The following AKR1C1 variants were observed in gnomAD, a reference collection of about 807,000 sequenced individuals.
AKR1C1 encodes the protein 20 alpha-hydroxysteroid dehydrogenase.
A neutral mutation model predicts 40.6 loss-of-function variants in AKR1C1; 32 were observed. The ratio of observed to expected loss-of-function variants is 0.79; its 90% confidence interval spans 0.60 to 1.06. AKR1C1 has a LOEUF of 1.06. AKR1C1 is among the 50% of genes least tolerant of loss of function. AKR1C1 has a pLI of 0.00. For missense variants in AKR1C1, 320 were observed against 363.5 expected (o/e 0.88, Z 0.97); for synonymous variants, 105 against 134.2 (o/e 0.78, Z 1.50).
At chr10:4,970,838 A>T (rs1564316604) in intron 5 of AKR1C1, among the ~76,000 whole-genome samples, 1 of 148,792 alleles carries the variant, frequency 6.7e-6, no homozygotes, top group Admixed American at 6.7e-5. Context: ...GAGGGATAGC[A>T]CTGGGAGATA....
intron 5 of AKR1C1, among the ~76,000 whole-genome samples, chr10:4,970,851 C>G (rs1288851329): frequency 1.3e-5 from 2 of 151,146 alleles, no homozygotes; most frequent in Non-Finnish European, 2.9e-5. Context: ...GGGAGATATA[C>G]CTAATGCTAG....
At chr10:4,976,472 G>A (rs1466764642) in intron 8 of AKR1C1, among the ~76,000 whole-genome samples, 2 of 152,018 alleles carry the variant, frequency 1.3e-5, no homozygotes, top group African/African-American at 4.8e-5. Flanking sequence ...TTGCATGTTT[G>A]CCCATGAGCC....
intron 7 of AKR1C1, among the ~76,000 whole-genome samples, chr10:4,973,942 C>G (rs1301114710): frequency 6.7e-6 from 1 of 150,366 alleles, no homozygotes; most frequent in Non-Finnish European, 1.5e-5. Flanking sequence ...ATTATAAAAC[C>G]TATGTCACAT....
At chr10:4,975,596 C>T (rs573581631) in intron 7 of AKR1C1, among the ~76,000 whole-genome samples, 27 of 151,852 alleles carry the variant, frequency 1.8e-4, no homozygotes, top group Admixed American at 7.2e-4. Context: ...GTTTCTTCTT[C>T]AGCTTCCTCT....
In AKR1C1 at chr10:4,982,912, G is replaced by A. The variant is rs1279840458; in HGVS notation, c.*5170G>A. 9.2e-5 allele frequency: 41 copies of A among 446,806 alleles called. No individual in the cohort carries two copies. The highest frequency in any genetic ancestry group is 1.3e-4 in the Non-Finnish European group (29 of 222,860). The allele number at this position is 446,806 out of a possible 1,614,324, so 27.7% of individuals were successfully genotyped here. On this transcript the variant is annotated 3_prime_UTR_variant, in exon 9 of 9. Transcript: ENST00000380872. ...CCAGTCAGAGGTCTTGAGTCGGTCC[G>A]CATGACAAGTTCACCGCTCGCATAA...
Position 4,983,078 on chromosome 10 carries a change from G to T in AKR1C1, c.*5336G>T. 1 of 349,982 alleles carries T rather than the reference G, an allele frequency of 2.9e-6. No homozygotes were observed. The highest frequency in any genetic ancestry group is 5.6e-6 in the Non-Finnish European group (1 of 177,532). 21.7% of individuals were successfully genotyped at this position (349,982 alleles called of 1,614,324 possible). A position where few individuals can be genotyped will look rare whatever the true frequency, so the allele number is the denominator to read the frequency against. On this transcript the variant is annotated 3_prime_UTR_variant, in exon 9 of 9. Coordinates refer to ENST00000380872, the MANE Select transcript of AKR1C1 (RefSeq NM_001353.6). ...CTTGTGCTGAGGTGAAGCCTGGGCTGGATGGCTGGAGGATGAAGAACTGCA... is the reference window on the plus strand; with the variant it reads ...CTTGTGCTGAGGTGAAGCCTGGGCTTGATGGCTGGAGGATGAAGAACTGCA...
Position 4,965,850 on chromosome 10 carries a change from C to T in AKR1C1, c.85-64C>T. 1.9e-6 allele frequency: 3 copies of T among 1,551,680 alleles called. No individual in the cohort carries two copies. In the South Asian group the frequency reaches 3.7e-5, roughly 19 times the overall value. ...AAGCTGATTTTTGTGAACGTCGCTA[C>T]TTGTGCCTGAACTAACTCTCAGGCA... On this transcript the variant is annotated intron_variant, in intron 1 of 8. Transcript: ENST00000380872.
chr10:4,969,086 G>A (rs76142681), intron 5 of AKR1C1, 142 bp downstream of exon 5: 161,476 of 1,512,126 alleles, frequency 0.11, 9,822 homozygotes, highest in Non-Finnish European at 0.12. Flanking sequence ...GAAGGGCATA[G>A]AGGGATCTTA....
intron 4 of AKR1C1, 54 bp from the exon 5 acceptor site, chr10:4,968,768 G>C (rs1836372031): frequency 3.1e-6 from 5 of 1,613,584 alleles, no homozygotes; most frequent in East Asian, 2.2e-5. Context: ...TACTTTCACA[G>C]TTCTGTGTCA....
chr10:4,978,465 C>A lies in AKR1C1; in HGVS notation c.*723C>A, dbSNP rs1836562406. 1 of 151,890 alleles carries A rather than the reference C, an allele frequency of 6.6e-6. No homozygotes were observed. Among genetic ancestry groups the A allele is most frequent in the Admixed American group, 6.6e-5 (1 of 15,252 alleles). The allele number at this position is 151,890 out of a possible 1,614,324, so 9.4% of individuals were successfully genotyped here. On this transcript the variant is annotated 3_prime_UTR_variant, in exon 9 of 9. Transcript: ENST00000380872. ...AAGAAAACTTTCCACATTGTTTTAA[C>A]AAACCCCACAGCTGAGAGTCAGGCC...
intron 1 of AKR1C1, 161 bp downstream of exon 1, chr10:4,963,689 T>C (rs1836283274): frequency 2.7e-6 from 2 of 738,868 alleles, no homozygotes; most frequent in Non-Finnish European, 4.8e-6. Context: ...ATCTACTGCT[T>C]ATTTGTGGCA....
rs997595223 is a variant in AKR1C1, at chr10:4,968,166, T to C, written c.370-143T>C. 11 of 1,142,890 alleles carry C rather than the reference T, an allele frequency of 9.6e-6. No homozygotes were observed. The East Asian group carries it at 2.2e-4, about 23-fold the overall frequency. 70.8% of individuals were successfully genotyped at this position (1,142,890 alleles called of 1,614,324 possible). A position where few individuals can be genotyped will look rare whatever the true frequency, so the allele number is the denominator to read the frequency against. On this transcript the variant is annotated intron_variant, in intron 3 of 8. Coordinates refer to ENST00000380872, the MANE Select transcript of AKR1C1 (RefSeq NM_001353.6). The stretch of plus-strand genomic sequence containing the variant: ...AAGACATTCCTTATACCTTCATATG[T>C]AGTACACTCTGTACATACCACTCTC...
chr10:4,966,420 A>G (rs1836335189), intron 2 of AKR1C1, among the ~76,000 whole-genome samples: 1 of 152,204 alleles, frequency 6.6e-6, no homozygotes, highest in South Asian at 2.1e-4. Context: ...TATGATTCTC[A>G]GTTTCCATTA....
At chr10:4,971,541 G>T (rs1397010075) in intron 5 of AKR1C1, among the ~76,000 whole-genome samples, 2 of 146,482 alleles carry the variant, frequency 1.4e-5, no homozygotes, top group Non-Finnish European at 3.0e-5. Flanking sequence ...TATGAAAGAA[G>T]AATGTGATCA....
chr10:4,977,233 A>G (rs1319471321), intron 8 of AKR1C1, among the ~76,000 whole-genome samples: 1 of 152,232 alleles, frequency 6.6e-6, no homozygotes, highest in Admixed American at 6.5e-5. Context: ...CTAACCAACT[A>G]TGTTGCATAT....
intron 5 of AKR1C1, among the ~76,000 whole-genome samples, chr10:4,971,666 A>G (rs1447506349): frequency 2.4e-4 from 36 of 150,098 alleles, no homozygotes; most frequent in African/African-American, 8.5e-4. Context: ...AAGTAATGAA[A>G]GACTGTGAAA....
Position 4,968,388 on chromosome 10 carries a change from TG to T in AKR1C1, c.447+3del, listed in dbSNP as rs1331185066. 1.3e-6 allele frequency: 2 copies of T among 1,547,440 alleles called. No homozygotes were observed. ...GTGGATCTCTGTGCCACATGGGAGG[TG>T]AGTGTTTGGAGGTGAGAGAACGGAT... is the stretch of plus-strand genomic sequence containing the variant. On this transcript the variant is annotated splice_donor_region_variant and intron_variant, in intron 4 of 8. Coordinates refer to ENST00000380872, the MANE Select transcript of AKR1C1 (RefSeq NM_001353.6).
intron 5 of AKR1C1, chr10:4,969,627 G>A: frequency 6.3e-7 from 1 of 1,594,708 alleles, no homozygotes; most frequent in Non-Finnish European, 8.5e-7. Context: ...AGTCTGTCAT[G>A]CAATCAGCTG....
intron 2 of AKR1C1, 130 bp downstream of exon 2, chr10:4,966,211 A>C (rs1448936431): frequency 8.2e-6 from 12 of 1,461,066 alleles, no homozygotes; most frequent in Non-Finnish European, 1.1e-5. Flanking sequence ...ACACTTACTC[A>C]TGTATTAAAA....
Sources: gnomAD v4.1 joint callset for allele counts (sites outside exome capture counted in the v4.1 genomes callset) on GRCh38, gnomAD v4.1.1 for gene constraint, MANE v1.5 for transcripts, NCBI Gene and HGNC (gene_info 2026-07-23, HGNC 2026-07-21) for gene names.